Variants in SLC25A48 observed in about 807,000 individuals in gnomAD.
The protein encoded by SLC25A48 is CTC-321K16.1.
SLC25A48 carries 29 observed loss-of-function variants against 32.2 expected under a neutral mutation model. That is an observed-to-expected ratio of 0.90 (90% CI 0.67 to 1.23). The LOEUF is 1.23. Ranked by LOEUF, SLC25A48 falls within the 50% of genes most tolerant of loss-of-function variation. The pLI is 0.00. For missense variants in SLC25A48, 399 were observed against 422.7 expected (o/e 0.94, Z 0.49); for synonymous variants, 164 against 172.3 (o/e 0.95, Z 0.38).
intron 1 of SLC25A48, among the ~76,000 whole-genome samples, chr5:135,606,434 C>T: frequency 6.6e-6 from 1 of 152,170 alleles, no homozygotes; most frequent in East Asian, 1.9e-4. Flanking sequence ...CAAATAACTC[C>T]ACTATACATC....
chr5:135,680,592 A>C (rs138961334), intron 3 of SLC25A48, among the ~76,000 whole-genome samples: 42 of 152,364 alleles, frequency 2.8e-4, no homozygotes, highest in Non-Finnish European at 4.3e-4. Flanking sequence ...AAGGCAAAGG[A>C]AGAGCAAAGG....
At chr5:135,697,525 G>A (rs933660009) in intron 3 of SLC25A48, among the ~76,000 whole-genome samples, 2 of 152,176 alleles carry the variant, frequency 1.3e-5, no homozygotes, top group Non-Finnish European at 2.9e-5. Flanking sequence ...CAGTGGGAGT[G>A]TGCCCAGCTG....
At chr5:135,699,644 A>G (rs1580795510) in intron 3 of SLC25A48, among the ~76,000 whole-genome samples, 3 of 152,328 alleles carry the variant, frequency 2.0e-5, no homozygotes, top group South Asian at 4.1e-4. Flanking sequence ...GCATTTTATT[A>G]TGTGTAACAT....
intron 1 of SLC25A48, among the ~76,000 whole-genome samples, chr5:135,607,210 C>T (rs915394019): frequency 6.6e-6 from 1 of 152,226 alleles, no homozygotes; most frequent in Admixed American, 6.5e-5. Flanking sequence ...TTTCCTTCCC[C>T]TACATTCTTA....
intron 3 of SLC25A48, among the ~76,000 whole-genome samples, chr5:135,776,413 T>C (rs1432311079): frequency 1.3e-5 from 2 of 151,930 alleles, no homozygotes; most frequent in African/African-American, 4.8e-5. Flanking sequence ...TCTGTGATAT[T>C]GTTCCAAATA....
intron 4 of SLC25A48, among the ~76,000 whole-genome samples, chr5:135,822,372 G>T (rs1378004858): frequency 6.6e-6 from 1 of 152,182 alleles, no homozygotes; most frequent in Non-Finnish European, 1.5e-5. Context: ...TTCTTTCACA[G>T]TTCTGAAGGC....
chr5:135,625,179 A>G (rs895049292), intron 1 of SLC25A48, among the ~76,000 whole-genome samples: 1 of 152,086 alleles, frequency 6.6e-6, no homozygotes, highest in Admixed American at 6.5e-5. Flanking sequence ...GCCTCCCAGA[A>G]GAAGTGACGG....
At chr5:135,775,960 G>A (rs1756546701) in intron 3 of SLC25A48, among the ~76,000 whole-genome samples, 1 of 151,768 alleles carries the variant, frequency 6.6e-6, no homozygotes, top group Non-Finnish European at 1.5e-5. Context: ...ATAAGAAGGT[G>A]AGAGGGTGAT....
At chr5:135,610,109 G>A (rs1050729561) in intron 1 of SLC25A48, among the ~76,000 whole-genome samples, 3 of 152,176 alleles carry the variant, frequency 2.0e-5, no homozygotes, top group Admixed American at 2.0e-4. Flanking sequence ...AACAAGCCAG[G>A]TCTGGAACTG....
intron 3 of SLC25A48, among the ~76,000 whole-genome samples, chr5:135,729,064 A>G (rs1331348113): frequency 6.6e-6 from 1 of 151,842 alleles, no homozygotes; most frequent in Non-Finnish European, 1.5e-5. Flanking sequence ...TATTCCTTTT[A>G]GAAGATTTCC....
intron 4 of SLC25A48, among the ~76,000 whole-genome samples, chr5:135,863,655 C>T (rs1760977481): frequency 6.6e-6 from 1 of 152,142 alleles, no homozygotes; most frequent in Admixed American, 6.5e-5. Context: ...GCCCACTTAT[C>T]ATCTTTATTT....
Position 135,780,197 on chromosome 5 carries a change from C to A in SLC25A48, c.-520-32326C>A, listed in dbSNP as rs1399654942. Among the ~76,000 whole-genome samples, 4 of 80,752 alleles carry A rather than the reference C, an allele frequency of 5.0e-5. No homozygotes were observed. The East Asian group carries it at 1.2e-3, about 24-fold the overall frequency. 53.0% of individuals were successfully genotyped at this position (80,752 alleles called of 152,430 possible). A position where few individuals can be genotyped will look rare whatever the true frequency, so the allele number is the denominator to read the frequency against. On this transcript the variant is annotated intron_variant, in intron 3 of 10. Coordinates refer to the SLC25A48 transcript ENST00000646290. ...TTTTTTTTTTTTTTGAGACATTCTC[C>A]TGCCTCAGCCTCTCAAGTAGCTGGG...
chr5:135,644,493 A>G (rs946850488), intron 3 of SLC25A48, among the ~76,000 whole-genome samples: 6 of 152,158 alleles, frequency 3.9e-5, no homozygotes, highest in Admixed American at 6.5e-5. Context: ...ACCTGCTAAT[A>G]TTAATGAAAA....
At chr5:135,874,860 C>T in intron 6 of SLC25A48, 2 of 494,248 alleles carry the variant, frequency 4.0e-6, no homozygotes, top group Non-Finnish European at 7.2e-6. Flanking sequence ...CTCTTGCTTG[C>T]ACGGGCTCCT....
chr5:135,882,362 T>C (rs1427919204), intron 7 of SLC25A48, among the ~76,000 whole-genome samples: 2 of 152,194 alleles, frequency 1.3e-5, no homozygotes. Context: ...AAGCCCATGC[T>C]CAGGCAGCAG....
At chr5:135,795,025 G>T (rs1221940681) in intron 3 of SLC25A48, among the ~76,000 whole-genome samples, 1 of 151,686 alleles carries the variant, frequency 6.6e-6, no homozygotes, top group Admixed American at 6.6e-5. Context: ...ATTTCCCAGG[G>T]GTTATACACC....
chr5:135,879,657 G>T (rs1762315613), intron 6 of SLC25A48, among the ~76,000 whole-genome samples: 3 of 149,246 alleles, frequency 2.0e-5, no homozygotes, highest in Admixed American at 2.0e-4. Context: ...TGTGAGAGAA[G>T]AAGAAAGAGA....
chr5:135,768,005 C>G (rs1756291507), intron 3 of SLC25A48, among the ~76,000 whole-genome samples: 1 of 145,330 alleles, frequency 6.9e-6, no homozygotes, highest in South Asian at 2.2e-4. Flanking sequence ...CGGGTGTACA[C>G]ACCCTTGTGA....
intron 1 of SLC25A48, among the ~76,000 whole-genome samples, chr5:135,611,669 A>G (rs11745107): frequency 0.09 from 13,620 of 152,038 alleles, 611 homozygotes; most frequent in South Asian, 0.15. Context: ...CTGAGACTGC[A>G]CCTCTGCACG....
Sources: allele counts gnomAD v4.1 joint callset (sites outside exome capture counted in the v4.1 genomes callset), GRCh38; gene constraint gnomAD v4.1.1; transcripts MANE v1.5; gene names NCBI Gene and HGNC (gene_info 2026-07-23, HGNC 2026-07-21).